Variants in MAD1L1 observed in about 807,000 individuals in gnomAD.
MAD1L1 encodes the protein mitotic arrest deficient 1 like 1, also known as mitotic spindle assembly checkpoint protein MAD1.
A neutral mutation model predicts 96.9 loss-of-function variants in MAD1L1; 95 were observed. The ratio of observed to expected loss-of-function variants is 0.98; its 90% CI spans 0.83 to 1.16. The LOEUF is 1.16. MAD1L1 is among the 50% of genes most tolerant of loss of function. The pLI, the probability that MAD1L1 is intolerant of heterozygous loss-of-function variation, is 0.00. For synonymous variants in MAD1L1, 473 were observed against 396.6 expected, an observed-to-expected ratio of 1.19 and a Z score of -2.29; for missense variants, 1,007 against 954.4, an observed-to-expected ratio of 1.06 and a Z score of -0.73.
At chr7:2,191,985 C>T (rs923306564) in intron 10 of MAD1L1, among the ~76,000 whole-genome samples, 1 of 148,572 alleles carries the variant, frequency 6.7e-6, no homozygotes, top group African/African-American at 2.5e-5. Context: ...GAGCTGAGAT[C>T]GCGTCACTGC....
intron 11 of MAD1L1, among the ~76,000 whole-genome samples, chr7:2,127,262 T>C (rs1788276740): frequency 6.6e-6 from 1 of 151,396 alleles, no homozygotes. Context: ...AAGGGGGAGA[T>C]GGACGAAAAT....
At chr7:2,216,597 G>C (rs137860272) in intron 7 of MAD1L1, among the ~76,000 whole-genome samples, 1 of 152,046 alleles carries the variant, frequency 6.6e-6, no homozygotes. Context: ...AGTGACCCTC[G>C]CATGACCCGT....
At chr7:2,123,421 G>A (rs891214383) in intron 11 of MAD1L1, among the ~76,000 whole-genome samples, 2 of 152,214 alleles carry the variant, frequency 1.3e-5, no homozygotes, top group African/African-American at 4.8e-5. Flanking sequence ...CTGGGCTGGG[G>A]TGCAGGACGG....
intron 17 of MAD1L1, among the ~76,000 whole-genome samples, chr7:1,922,357 C>G (rs542959572): frequency 1.3e-5 from 2 of 152,398 alleles, no homozygotes; most frequent in African/African-American, 4.8e-5. Context: ...GTGATGCCTG[C>G]AGATTTCATC....
intron 12 of MAD1L1, among the ~76,000 whole-genome samples, chr7:2,054,820 G>T (rs1784321128): frequency 6.6e-6 from 1 of 152,228 alleles, no homozygotes; most frequent in African/African-American, 2.4e-5. Context: ...ACAAAGCAAG[G>T]TCTGAAGCTG....
At chr7:2,112,897 C>T (rs1787454322) in intron 11 of MAD1L1, among the ~76,000 whole-genome samples, 1 of 151,852 alleles carries the variant, frequency 6.6e-6, no homozygotes, top group Admixed American at 6.6e-5. Context: ...AAGATGAGGG[C>T]AAATCACAGG....
At chr7:2,024,145 C>T (rs1782900863) in intron 12 of MAD1L1, among the ~76,000 whole-genome samples, 1 of 151,496 alleles carries the variant, frequency 6.6e-6, no homozygotes, top group African/African-American at 2.4e-5. Flanking sequence ...ACACAAATTA[C>T]TAACATCAGA....
chr7:1,902,499 CCTT>C, intron 17 of MAD1L1, among the ~76,000 whole-genome samples: 1 of 152,330 alleles, frequency 6.6e-6, no homozygotes, highest in Middle Eastern at 3.4e-3. Context: ...CCTCTTTACT[CCTT>C]CGAGTGTTAC....
chr7:2,030,639 A>G (rs73672015), intron 12 of MAD1L1, among the ~76,000 whole-genome samples: 2,039 of 152,252 alleles, frequency 0.013, 43 homozygotes, highest in African/African-American at 0.047. Flanking sequence ...TGCCTCCAAA[A>G]CAAACCAGAC....
rs3778972 is a variant in MAD1L1, at chr7:2,106,704, C to T, written c.1074-37366G>A. The stretch of plus-strand genomic sequence containing the variant: ...GCAGCTGCACTGGAACGTGTTGTCC[C>T]GCATGGGCTGTAGGGCCTCCACGAA... On this transcript the variant is annotated intron_variant, in intron 11 of 18. Transcript: ENST00000265854. 6.0e-3 allele frequency among the ~76,000 whole-genome samples: 914 copies of T among 152,360 alleles called. 28 individuals are homozygous for T. In the East Asian group the frequency reaches 0.071, roughly 12 times the overall value.
At chr7:1,997,720 AGG>A (rs1781619410) in intron 14 of MAD1L1, among the ~76,000 whole-genome samples, 1 of 152,194 alleles carries the variant, frequency 6.6e-6, no homozygotes, top group Admixed American at 6.5e-5. Context: ...GGCGGGGGGC[AGG>A]GGAGGGAGGC....
At chr7:1,906,267 T>G (rs937586718) in intron 17 of MAD1L1, among the ~76,000 whole-genome samples, 2 of 152,154 alleles carry the variant, frequency 1.3e-5, no homozygotes, top group African/African-American at 4.8e-5. Flanking sequence ...CGGTTGTGTA[T>G]GCCAACACCG....
intron 15 of MAD1L1, among the ~76,000 whole-genome samples, chr7:1,959,798 G>A (rs1160771734): frequency 6.6e-6 from 1 of 152,180 alleles, no homozygotes; most frequent in Non-Finnish European, 1.5e-5. Flanking sequence ...GTCAGGTAAG[G>A]CCTGCAGGTG....
At chr7:1,831,328 C>A (rs1423195427) in intron 18 of MAD1L1, among the ~76,000 whole-genome samples, 1 of 152,118 alleles carries the variant, frequency 6.6e-6, no homozygotes. Context: ...CAAACAGTGC[C>A]CATAAGAGAG....
chr7:1,935,401 C>CT (rs1583840741), intron 17 of MAD1L1, among the ~76,000 whole-genome samples: 1 of 152,328 alleles, frequency 6.6e-6, no homozygotes, highest in South Asian at 2.1e-4. Context: ...CAGGCCCCCC[C>CT]TTCTGGCTTT....
At chr7:1,844,565 G>A (rs1453838569) in intron 18 of MAD1L1, among the ~76,000 whole-genome samples, 1 of 152,146 alleles carries the variant, frequency 6.6e-6, no homozygotes, top group Non-Finnish European at 1.5e-5. Context: ...AGCTTGGGAC[G>A]GGCCTACAGC....
chr7:2,085,246 C>T (rs1785854588), intron 11 of MAD1L1, among the ~76,000 whole-genome samples: 1 of 152,214 alleles, frequency 6.6e-6, no homozygotes, highest in Admixed American at 6.5e-5. Flanking sequence ...TGACTGTCCT[C>T]AAAGAAGCTC....
intron 11 of MAD1L1, among the ~76,000 whole-genome samples, chr7:2,131,952 C>G (rs1788528487): frequency 6.6e-6 from 1 of 152,184 alleles, no homozygotes; most frequent in South Asian, 2.1e-4. Flanking sequence ...TCAGGTGCCT[C>G]TAATGGAAAG....
chr7:1,902,116 G>C (rs1346171369), intron 17 of MAD1L1, among the ~76,000 whole-genome samples: 2 of 152,184 alleles, frequency 1.3e-5, no homozygotes, highest in African/African-American at 4.8e-5. Context: ...GGGGGCTGAA[G>C]GCATCCACGA....
Sources: allele counts gnomAD v4.1 joint callset (sites outside exome capture counted in the v4.1 genomes callset), GRCh38; gene constraint gnomAD v4.1.1; transcripts MANE v1.5; gene names NCBI Gene and HGNC (gene_info 2026-07-23, HGNC 2026-07-21).